PTPRD: variants seen among roughly 807,000 people sequenced by gnomAD.
PTPRD encodes protein tyrosine phosphatase receptor type D, also known as receptor-type tyrosine-protein phosphatase delta.
PTPRD carries 34 observed loss-of-function variants against 214.5 expected under a neutral mutation model. That is an observed-to-expected ratio of 0.16 (90% CI 0.12 to 0.21). The LOEUF (loss-of-function observed/expected upper bound fraction) is 0.21. Among genes scored for constraint, PTPRD ranks in the 10% least tolerant of loss-of-function variants. PTPRD has a pLI of 1.00. For synonymous variants in PTPRD, 1,128 were observed against 845.7 expected, an observed-to-expected ratio of 1.33 and a Z score of -5.79; for missense variants, 2,545 against 2,398.7, an observed-to-expected ratio of 1.06 and a Z score of -1.27.
chr9:9,679,112 A>G (rs187766045), intron 7 of PTPRD, among the ~76,000 whole-genome samples: 164 of 99,958 alleles, frequency 1.6e-3, no homozygotes, highest in African/African-American at 4.9e-3. Context: ...AATTAGGTTG[A>G]AAAAGGGGGA....
chr9:8,586,523 A>C (rs1225258535), intron 14 of PTPRD, among the ~76,000 whole-genome samples: 1 of 152,192 alleles, frequency 6.6e-6, no homozygotes, highest in Non-Finnish European at 1.5e-5. Context: ...TTATCAAAAA[A>C]AGGGAACCTA....
chr9:8,449,683 T>C (rs2095861816), intron 34 of PTPRD, 42 bp downstream of exon 34: 2 of 1,571,860 alleles, frequency 1.3e-6, no homozygotes, highest in Non-Finnish European at 1.7e-6. Flanking sequence ...GTACAACTTC[T>C]GGGAAAGACT....
At chr9:10,360,967 T>C (rs1450130738) in intron 2 of PTPRD, among the ~76,000 whole-genome samples, 1 of 151,674 alleles carries the variant, frequency 6.6e-6, no homozygotes, top group Non-Finnish European at 1.5e-5. Context: ...CCGGGCGTGG[T>C]GCCGGGCGCC....
At chr9:8,970,403 G>GA (rs534171079) in intron 11 of PTPRD, among the ~76,000 whole-genome samples, 308 of 151,794 alleles carry the variant, frequency 2.0e-3, no homozygotes, top group African/African-American at 7.2e-3. Flanking sequence ...CTTGACTTGT[G>GA]AAAAAATTCT....
At chr9:9,535,080 T>C (rs1207467546) in intron 8 of PTPRD, among the ~76,000 whole-genome samples, 2 of 152,108 alleles carry the variant, frequency 1.3e-5, no homozygotes, top group African/African-American at 2.4e-5. Context: ...GATTTGCTTT[T>C]CTTTTCCTTT....
intron 39 of PTPRD, among the ~76,000 whole-genome samples, chr9:8,342,885 T>C (rs533621778): frequency 6.6e-6 from 1 of 152,256 alleles, no homozygotes; most frequent in African/African-American, 2.4e-5. Context: ...TTGTATATGA[T>C]GTGGCATTTG....
chr9:10,448,538 G>T (rs72698992), intron 2 of PTPRD, among the ~76,000 whole-genome samples: 5 of 151,968 alleles, frequency 3.3e-5, no homozygotes, highest in African/African-American at 1.2e-4. Flanking sequence ...GGGTAAAGTG[G>T]CAAGTGATAG....
intron 11 of PTPRD, among the ~76,000 whole-genome samples, chr9:8,826,186 G>C (rs2097171251): frequency 6.7e-6 from 1 of 149,574 alleles, no homozygotes; most frequent in Non-Finnish European, 1.5e-5. Context: ...AAATCCTGTA[G>C]TCATTGCCAC....
intron 4 of PTPRD, among the ~76,000 whole-genome samples, chr9:10,014,286 C>T (rs2096657387): frequency 6.6e-6 from 1 of 152,002 alleles, no homozygotes; most frequent in South Asian, 2.1e-4. Flanking sequence ...GTAATTTGAG[C>T]TGCAATTCCC....
chr9:9,950,912 G>A (rs893076501), intron 4 of PTPRD, among the ~76,000 whole-genome samples: 2 of 152,030 alleles, frequency 1.3e-5, no homozygotes, highest in Non-Finnish European at 2.9e-5. Flanking sequence ...TCTAATTTCT[G>A]GGAAAACTAG....
chr9:9,799,217 C>T (rs1016618731), intron 5 of PTPRD, among the ~76,000 whole-genome samples: 1 of 151,966 alleles, frequency 6.6e-6, no homozygotes, highest in African/African-American at 2.4e-5. Context: ...ACATTAAATG[C>T]TAATAGATTA....
At chr9:10,426,463 C>T (rs1483558007) in intron 2 of PTPRD, among the ~76,000 whole-genome samples, 1 of 151,888 alleles carries the variant, frequency 6.6e-6, no homozygotes, top group Non-Finnish European at 1.5e-5. Context: ...ATAGTTATCA[C>T]CAAAAGCATA....
chr9:10,590,650 C>CT lies in PTPRD; in HGVS notation c.-600+21747dup, dbSNP rs2075208454. Among the ~76,000 whole-genome samples, 3 of 151,908 alleles carry CT rather than the reference C, an allele frequency of 2.0e-5. No individual in the cohort carries two copies. The South Asian group carries it at 6.2e-4, about 32-fold the overall frequency. The stretch of plus-strand genomic sequence containing the variant: ...TTCTTGAGTGTATCAGTAGTTCATT[C>CT]TTTTTTATTGCTGTATAGTATTCCT... On this transcript the variant is annotated intron_variant, in intron 2 of 45. Transcript: ENST00000381196.
intron 7 of PTPRD, among the ~76,000 whole-genome samples, chr9:9,727,274 A>G (rs977412274): frequency 6.6e-6 from 1 of 151,936 alleles, no homozygotes; most frequent in African/African-American, 2.4e-5. Flanking sequence ...ACATACTGAA[A>G]CCCCATTTCT....
intron 9 of PTPRD, among the ~76,000 whole-genome samples, chr9:9,244,183 A>C (rs1176272073): frequency 6.6e-6 from 1 of 152,174 alleles, no homozygotes; most frequent in East Asian, 1.9e-4. Flanking sequence ...GATAGGAAGA[A>C]TCAATATCGT....
intron 8 of PTPRD, among the ~76,000 whole-genome samples, chr9:9,564,799 A>G (rs73407063): frequency 0.02 from 3,023 of 150,862 alleles, 82 homozygotes; most frequent in African/African-American, 0.061. Flanking sequence ...GAAAAAATAT[A>G]TCACACTTAG....
At chr9:10,242,097 A>C (rs954364123) in intron 3 of PTPRD, among the ~76,000 whole-genome samples, 1 of 151,920 alleles carries the variant, frequency 6.6e-6, no homozygotes, top group Non-Finnish European at 1.5e-5. Flanking sequence ...GAAGAGGAAA[A>C]CCTGAAAACA....
intron 3 of PTPRD, among the ~76,000 whole-genome samples, chr9:10,166,701 G>C (rs2154293640): frequency 6.6e-6 from 1 of 152,042 alleles, no homozygotes; most frequent in East Asian, 1.9e-4. Context: ...CTAGCACTTG[G>C]AAGTGGATAA....
chr9:10,050,910 C>T (rs984586720), intron 3 of PTPRD, among the ~76,000 whole-genome samples: 5 of 152,072 alleles, frequency 3.3e-5, no homozygotes, highest in African/African-American at 1.2e-4. Flanking sequence ...TGTTGATTCA[C>T]TTTCCTGTTT....
Sources: allele counts gnomAD v4.1 joint callset (sites outside exome capture counted in the v4.1 genomes callset), GRCh38; gene constraint gnomAD v4.1.1; transcripts MANE v1.5; gene names NCBI Gene and HGNC (gene_info 2026-07-23, HGNC 2026-07-21).